Variants in SPIN1 observed in about 807,000 individuals in gnomAD.
SPIN1 encodes spindlin 1.
SPIN1 carries 3 observed loss-of-function variants against 26.0 expected under a neutral mutation model. The ratio of observed to expected loss-of-function variants is 0.12; its 90% CI spans 0.05 to 0.30. The LOEUF is 0.30. Ranked by LOEUF, SPIN1 falls within the 10% of genes least tolerant of loss-of-function variation. The probability of loss-of-function intolerance (pLI) is 1.00; values close to 1 mark genes in which losing one functional copy is unlikely to be tolerated. For synonymous variants in SPIN1, 101 were observed against 116.5 expected (o/e 0.87, Z 0.86); for missense variants, 126 against 333.4 (o/e 0.38, Z 4.84).
rs575946863 is a variant in SPIN1 at position 88,436,689 on chromosome 9, G to A, written c.52+10098G>A. Reference sequence around the variant, plus strand: ...CGTCATAAAGTCGGAATCATACAGCGTGGAGTCTTTTCAGATTGGATTCGT... The same window carrying A: ...CGTCATAAAGTCGGAATCATACAGCATGGAGTCTTTTCAGATTGGATTCGT... On this transcript the variant is annotated intron_variant, in intron 2 of 5. Coordinates refer to ENST00000375859, the MANE Select transcript of SPIN1 (RefSeq NM_006717.3). 2.0e-5 allele frequency among the ~76,000 whole-genome samples: 3 copies of A among 151,496 alleles called. No homozygotes were observed. The South Asian group carries it at 6.3e-4, about 32-fold the overall frequency.
At chr9:88,439,949 T>A (rs899932257) in intron 2 of SPIN1, among the ~76,000 whole-genome samples, 1 of 152,190 alleles carries the variant, frequency 6.6e-6, no homozygotes, top group African/African-American at 2.4e-5. Flanking sequence ...TTAATTGGTA[T>A]ATTTAGATCA....
chr9:88,476,090 G>A lies in SPIN1; in HGVS notation c.*813G>A, dbSNP rs992594788. ...CTAAGCTTCATTTTTTTTTGGGGGG[G>A]GGTTACATTTTAATCATAAATTCTT... On this transcript the variant is annotated 3_prime_UTR_variant, in exon 6 of 6. Coordinates refer to ENST00000375859, the MANE Select transcript of SPIN1 (RefSeq NM_006717.3). The A allele has an allele frequency of 2.6e-5, 4 of 151,682 alleles. No homozygotes were observed. In the South Asian group the frequency reaches 8.3e-4, roughly 32 times the overall value. The allele number at this position is 151,682 out of a possible 1,614,324, so 9.4% of individuals were successfully genotyped here.
chr9:88,422,744 T>G (rs1827694590), intron 1 of SPIN1, among the ~76,000 whole-genome samples: 1 of 151,756 alleles, frequency 6.6e-6, no homozygotes, highest in Non-Finnish European at 1.5e-5. Context: ...AGTCTTGCTC[T>G]TGTCGCCCAG....
At chr9:88,411,090 A>G in intron 1 of SPIN1, 1 of 1,541,358 alleles carries the variant, frequency 6.5e-7, no homozygotes, top group Non-Finnish European at 8.9e-7. Flanking sequence ...AACTGTTTAA[A>G]ATAATCTCTT....
chr9:88,420,367 C>CTCCG (rs1271938787), intron 1 of SPIN1, among the ~76,000 whole-genome samples: 1 of 152,200 alleles, frequency 6.6e-6, no homozygotes, highest in Non-Finnish European at 1.5e-5. Context: ...CAGGGTGAGA[C>CTCCG]TCCGTCTCAA....
chr9:88,445,554 ATTATTATT>A (rs1828234309), intron 2 of SPIN1, among the ~76,000 whole-genome samples: 1 of 145,086 alleles, frequency 6.9e-6, no homozygotes, highest in African/African-American at 2.6e-5. Context: ...TATTATTATT[ATTATTATT>A]ATATTGAGAT....
chr9:88,413,915 A>G (rs1318071933), intron 1 of SPIN1, among the ~76,000 whole-genome samples: 10 of 152,116 alleles, frequency 6.6e-5, no homozygotes, highest in Non-Finnish European at 2.9e-5. Flanking sequence ...CTCCCATGTT[A>G]CTTTTATTTC....
chr9:88,425,594 G>A (rs1265010755), intron 1 of SPIN1, among the ~76,000 whole-genome samples: 3 of 151,396 alleles, frequency 2.0e-5, no homozygotes, highest in African/African-American at 7.3e-5. Flanking sequence ...AGAATTGCTT[G>A]AACCCGGGAG....
chr9:88,435,367 A>C (rs1461322214), intron 2 of SPIN1, among the ~76,000 whole-genome samples: 71 of 151,924 alleles, frequency 4.7e-4, no homozygotes, highest in Non-Finnish European at 2.9e-5. Flanking sequence ...GGCATGCACC[A>C]CCACACCCGG....
chr9:88,426,987 A>G (rs1299940703), intron 2 of SPIN1, among the ~76,000 whole-genome samples: 1 of 152,216 alleles, frequency 6.6e-6, no homozygotes, highest in Non-Finnish European at 1.5e-5. Context: ...ACTTGAAAGA[A>G]GTTTACTGGT....
At chr9:88,474,957 T>A in intron 5 of SPIN1, 121 bp from the exon 6 acceptor site, 1 of 943,232 alleles carries the variant, frequency 1.1e-6, no homozygotes, top group Non-Finnish European at 1.5e-6. Context: ...AATCATGAAT[T>A]CAGGCTATTA....
intron 4 of SPIN1, among the ~76,000 whole-genome samples, chr9:88,465,895 C>A (rs1423576989): frequency 3.3e-5 from 5 of 152,120 alleles, no homozygotes; most frequent in Non-Finnish European, 7.3e-5. Context: ...CAGATCATAA[C>A]AGATTGAGTG....
chr9:88,466,485 T>G (rs1408086862), intron 4 of SPIN1, among the ~76,000 whole-genome samples: 4 of 152,222 alleles, frequency 2.6e-5, no homozygotes, highest in Admixed American at 1.3e-4. Flanking sequence ...CATGGAGTTC[T>G]GAGATCTAAG....
chr9:88,444,366 A>C (rs1587802951), intron 2 of SPIN1, among the ~76,000 whole-genome samples: 1 of 145,716 alleles, frequency 6.9e-6, no homozygotes. Flanking sequence ...TCAGCCTCCC[A>C]AGTAGCTGGG....
At chr9:88,473,662 C>CGT (rs1491445083) in intron 5 of SPIN1, among the ~76,000 whole-genome samples, 1 of 95,694 alleles carries the variant, frequency 1.0e-5, no homozygotes, top group African/African-American at 8.4e-5. Context: ...TGTGTGTGTG[C>CGT]ACGCGCTATG....
intron 5 of SPIN1, among the ~76,000 whole-genome samples, chr9:88,470,742 G>GT (rs1052502370): frequency 2.8e-4 from 43 of 152,098 alleles, no homozygotes; most frequent in Non-Finnish European, 2.9e-4. Flanking sequence ...CTATAGGCGC[G>GT]TGCCACCATG....
chr9:88,436,754 C>CTTTTTTTTTT lies in SPIN1; in HGVS notation c.52+10182_52+10191dup, dbSNP rs776223657. The stretch of plus-strand genomic sequence containing the variant: ...ATATGCACATAAATTTCCTCTGTGT[C>CTTTTTTTTTT]TTTTTTTTTTTTTTTTTTTTTTTTT... On this transcript the variant is annotated intron_variant, in intron 2 of 5. Transcript: ENST00000375859. Among the ~76,000 whole-genome samples, 3 of 98,788 alleles carry CTTTTTTTTTT rather than the reference C, an allele frequency of 3.0e-5. 1 individual carries two copies. Among genetic ancestry groups the CTTTTTTTTTT allele is most frequent in the East Asian group, 6.4e-4 (2 of 3,104 alleles). The allele number at this position is 98,788 out of a possible 152,430, so 64.8% of individuals were successfully genotyped here.
At chr9:88,467,106 T>C (rs568901254) in intron 4 of SPIN1, among the ~76,000 whole-genome samples, 3 of 152,310 alleles carry the variant, frequency 2.0e-5, no homozygotes, top group South Asian at 2.1e-4. Context: ...AAGACAGTTA[T>C]CTAAAATTGT....
chr9:88,459,437 GTTTATT>G (rs1828533434), intron 3 of SPIN1, among the ~76,000 whole-genome samples: 1 of 151,994 alleles, frequency 6.6e-6, no homozygotes, highest in Admixed American at 6.6e-5. Context: ...CAGACTTTTT[GTTTATT>G]TTTATGTTAT....
Sources: allele counts gnomAD v4.1 joint callset (sites outside exome capture counted in the v4.1 genomes callset), GRCh38; gene constraint gnomAD v4.1.1; transcripts MANE v1.5; gene names NCBI Gene and HGNC (gene_info 2026-07-23, HGNC 2026-07-21).